The following LRRC8B variants were observed in gnomAD, a reference collection of about 807,000 sequenced individuals.
The protein encoded by LRRC8B is leucine rich repeat containing 8 VRAC subunit B.
LRRC8B carries 23 observed loss-of-function variants against 58.8 expected under a neutral mutation model. The observed-to-expected ratio is 0.39, with a 90% CI of 0.28 to 0.55. The LOEUF is 0.55. Among genes scored for constraint, LRRC8B ranks in the 20% least tolerant of loss-of-function variants. The probability of loss-of-function intolerance (pLI) is 0.62; values close to 1 mark genes in which losing one functional copy is unlikely to be tolerated. For missense variants in LRRC8B, 694 were observed against 936.0 expected (o/e 0.74, Z 3.37); for synonymous variants, 359 against 374.1 (o/e 0.96, Z 0.47).
chr1:89,552,034 G>A (rs1306676952), intron 1 of LRRC8B, among the ~76,000 whole-genome samples: 2 of 152,066 alleles, frequency 1.3e-5, no homozygotes, highest in Admixed American at 1.3e-4. Flanking sequence ...ATACAGAGCA[G>A]CAGTATGTCT....
At chr1:89,548,190 A>G (rs1330329229) in intron 1 of LRRC8B, among the ~76,000 whole-genome samples, 1 of 152,248 alleles carries the variant, frequency 6.6e-6, no homozygotes, top group Non-Finnish European at 1.5e-5. Flanking sequence ...TTTTTCTAGC[A>G]TATATTTAGA....
intron 1 of LRRC8B, among the ~76,000 whole-genome samples, chr1:89,526,578 A>C (rs1439746028): frequency 6.6e-6 from 1 of 152,168 alleles, no homozygotes; most frequent in Non-Finnish European, 1.5e-5. Flanking sequence ...CTCTACTCAG[A>C]GAATATAAAG....
intron 3 of LRRC8B, among the ~76,000 whole-genome samples, chr1:89,573,578 C>A (rs1653626404): frequency 1.3e-5 from 2 of 152,112 alleles, no homozygotes; most frequent in Admixed American, 1.3e-4. Context: ...TGTCTCTCTT[C>A]TCCTTTGGTT....
At chr1:89,564,956 G>A (rs746326679) in intron 1 of LRRC8B, among the ~76,000 whole-genome samples, 1 of 152,130 alleles carries the variant, frequency 6.6e-6, no homozygotes, top group Non-Finnish European at 1.5e-5. Flanking sequence ...TTGTCTTTGG[G>A]TTAAGAGTGT....
In LRRC8B at chr1:89,583,919, A is replaced by T; in HGVS notation, c.1269A>T (p.Glu423Asp). ...KLVKNAQDKI[E>D]LHLFMLNGLP... is the part of the protein sequence containing the mutation. ...TGAAAAATGCCCAGGACAAGATAGA[A>T]CTGCATCTTTTTATGCTCAACGGTC... Residue 423 changes from glutamate to aspartate, a missense_variant, in exon 5 of 6, where the codon GAA becomes GAT. Glu to Asp is a conservative substitution (Grantham distance 45). Transcript: ENST00000330947. This position sits in a 1 kb window ranked among gnomAD's most constrained non-coding sequence, Gnocchi z 5.2. 6.2e-7 allele frequency: 1 copy of T among 1,614,214 alleles called. No homozygotes were observed. The highest frequency in any genetic ancestry group is 8.5e-7 in the Non-Finnish European group (1 of 1,180,028).
At chr1:89,573,912 T>C (rs1653644976) in intron 3 of LRRC8B, among the ~76,000 whole-genome samples, 1 of 152,216 alleles carries the variant, frequency 6.6e-6, no homozygotes, top group Admixed American at 6.5e-5. Context: ...ATCCCCACCC[T>C]TGGAATCTGG....
chr1:89,531,714 C>T (rs1650147695), intron 1 of LRRC8B, among the ~76,000 whole-genome samples: 1 of 152,238 alleles, frequency 6.6e-6, no homozygotes, highest in Non-Finnish European at 1.5e-5. Flanking sequence ...AGACACAAAT[C>T]TCCCGAACAA....
In LRRC8B at chr1:89,583,751, C is replaced by T. The variant is rs1343705672; in HGVS notation, c.1101C>T (p.Ala367=). 2 of 1,614,158 alleles carry T rather than the reference C, an allele frequency of 1.2e-6. No homozygotes were observed. The highest frequency in any genetic ancestry group is 3.3e-5 in the Admixed American group (2 of 60,026). Residue 367 remains alanine (A), a synonymous_variant, in exon 5 of 6, where the codon GCC becomes GCT. Transcript: ENST00000330947. The surrounding 1 kb of genome is among the most constrained non-coding windows in gnomAD (Gnocchi z 5.2). The part of the protein sequence containing the change: ...SDIPDVKNDF[A]FILHLADQYD... Reference sequence around the variant, plus strand: ...TCCCTGATGTCAAGAATGACTTTGCCTTCATCCTTCATCTGGCTGATCAGT... The same window carrying T: ...TCCCTGATGTCAAGAATGACTTTGCTTTCATCCTTCATCTGGCTGATCAGT...
At chr1:89,572,481 A>G (rs904472822) in intron 3 of LRRC8B, 1 of 152,256 alleles carries the variant, frequency 6.6e-6, no homozygotes, top group Non-Finnish European at 1.5e-5. Context: ...CAGGTAAACC[A>G]ATCAGCTATA....
Position 89,593,087 on chromosome 1 carries a change from A to T in LRRC8B, c.*44A>T. The stretch of plus-strand genomic sequence containing the variant: ...GTGTTTCAAAATCATTTTTAAAAGT[A>T]TGCTCGGCCGGGCGTGGTGGCTCAT... On this transcript the variant is annotated 3_prime_UTR_variant, in exon 6 of 6. Coordinates refer to ENST00000330947, the MANE Select transcript of LRRC8B (RefSeq NM_001369817.2). 6.3e-7 allele frequency: 1 copy of T among 1,590,622 alleles called. No individual in the cohort carries two copies. Among genetic ancestry groups the T allele is most frequent in the Non-Finnish European group, 8.6e-7 (1 of 1,164,798 alleles).
intron 1 of LRRC8B, among the ~76,000 whole-genome samples, chr1:89,527,704 T>G (rs1649809489): frequency 6.6e-6 from 1 of 152,270 alleles, no homozygotes; most frequent in South Asian, 2.1e-4. Flanking sequence ...ATTTCTCTGG[T>G]GTTTAAAATA....
In LRRC8B at chr1:89,583,609, T is replaced by C. The variant is rs764640585; in HGVS notation, c.959T>C (p.Val320Ala). 6.2e-7 allele frequency: 1 copy of C among 1,612,030 alleles called. No homozygotes were observed. The highest frequency in any genetic ancestry group is 8.5e-7 in the Non-Finnish European group (1 of 1,180,036). The change falls in exon 5 of 6, where the codon GTC becomes GCC. Residue 320 changes from valine (V) to alanine (A), a missense_variant. Coordinates refer to ENST00000330947, the MANE Select transcript of LRRC8B (RefSeq NM_001369817.2). The surrounding 1 kb of genome is among the most constrained non-coding windows in gnomAD (Gnocchi z 5.2). ...EIFKVLASFY[V>A]ILVILYGLTS... is the part of the protein sequence containing the mutation. Reference sequence around the variant, plus strand: ...TTTAAGGTCCTGGCTTCATTTTATGTCATTTTGGTTATACTTTATGGTCTG... The same window carrying C: ...TTTAAGGTCCTGGCTTCATTTTATGCCATTTTGGTTATACTTTATGGTCTG...
intron 1 of LRRC8B, among the ~76,000 whole-genome samples, chr1:89,559,725 G>C (rs1652480859): frequency 6.6e-6 from 1 of 151,870 alleles, no homozygotes; most frequent in South Asian, 2.1e-4. Context: ...TCCATAGCAA[G>C]CCACATGGTG....
At chr1:89,580,050 A>G (rs1358127059) in intron 4 of LRRC8B, among the ~76,000 whole-genome samples, 5 of 152,346 alleles carry the variant, frequency 3.3e-5, no homozygotes, top group African/African-American at 1.2e-4. Context: ...TCCACCACAG[A>G]TTGAATCAAA....
At chr1:89,581,134 TAA>T (rs1033456294) in intron 4 of LRRC8B, among the ~76,000 whole-genome samples, 1 of 151,924 alleles carries the variant, frequency 6.6e-6, no homozygotes, top group African/African-American at 2.4e-5. Flanking sequence ...CTGTCTCTAC[TAA>T]AAAGACACAA....
intron 1 of LRRC8B, among the ~76,000 whole-genome samples, chr1:89,543,772 A>G (rs1364021191): frequency 6.7e-6 from 1 of 149,836 alleles, no homozygotes. Context: ...CTGGGATTAC[A>G]GACATGAGCC....
chr1:89,525,006 G>C lies in LRRC8B; in HGVS notation c.-257G>C, dbSNP rs561708401. 6.6e-6 allele frequency: 1 copy of C among 152,286 alleles called. No homozygotes were observed. Among genetic ancestry groups the C allele is most frequent in the African/African-American group, 2.4e-5 (1 of 41,552 alleles). 9.4% of individuals were successfully genotyped at this position (152,286 alleles called of 1,614,324 possible). Reference sequence around the variant, plus strand: ...ACGCCGCGGGGAGCGCGGGCGTCCGGGGCTGGAGTCGCGCAGGTAGGTCGG... The same window carrying C: ...ACGCCGCGGGGAGCGCGGGCGTCCGCGGCTGGAGTCGCGCAGGTAGGTCGG... On this transcript the variant is annotated 5_prime_UTR_variant, in exon 1 of 6. Transcript: ENST00000330947.
chr1:89,528,800 C>T (rs1649891599), intron 1 of LRRC8B, among the ~76,000 whole-genome samples: 1 of 152,102 alleles, frequency 6.6e-6, no homozygotes, highest in Non-Finnish European at 1.5e-5. Context: ...CCCCAAGTTC[C>T]AAGTAGCAGA....
chr1:89,541,710 C>A (rs1570569276), intron 1 of LRRC8B, among the ~76,000 whole-genome samples: 1 of 42,220 alleles, frequency 2.4e-5, no homozygotes, highest in Non-Finnish European at 4.0e-5. Context: ...GACTCCGTCT[C>A]AAAAAAAAAA....
Sources: allele counts gnomAD v4.1 joint callset (sites outside exome capture counted in the v4.1 genomes callset), GRCh38; gene constraint gnomAD v4.1.1; non-coding constraint Gnocchi (gnomAD v3.1); transcripts MANE v1.5; gene names NCBI Gene and HGNC (gene_info 2026-07-23, HGNC 2026-07-21).